PRUNE2: variants seen among roughly 807,000 people sequenced by gnomAD.
The protein encoded by PRUNE2 is prune homolog 2 with BCH domain, also known as protein prune homolog 2.
In PRUNE2, 164 loss-of-function variants were observed where a neutral mutation model predicts 252.0. The observed-to-expected ratio is 0.65, with a 90% CI of 0.57 to 0.74. The LOEUF (loss-of-function observed/expected upper bound fraction) is 0.74, where lower values mean the gene tolerates loss of function less well. Ranked by LOEUF, PRUNE2 falls within the 30% of genes least tolerant of loss-of-function variation. The probability of loss-of-function intolerance (pLI) is 0.00; values close to 1 mark genes in which losing one functional copy is unlikely to be tolerated. For synonymous variants in PRUNE2, 1,292 were observed against 1,350.2 expected, an observed-to-expected ratio of 0.96 and a Z score of 0.94; for missense variants, 3,495 against 3,711.0, an observed-to-expected ratio of 0.94 and a Z score of 1.51.
intron 1 of PRUNE2, among the ~76,000 whole-genome samples, chr9:76,869,463 TTC>T (rs530343931): frequency 6.6e-6 from 1 of 151,708 alleles, no homozygotes; most frequent in African/African-American, 2.4e-5. Context: ...CGTTCTCTCT[TTC>T]TCTCTCTCTC....
intron 6 of PRUNE2, among the ~76,000 whole-genome samples, chr9:76,774,831 C>T (rs116029976): frequency 6.6e-6 from 1 of 152,060 alleles, no homozygotes; most frequent in Admixed American, 6.6e-5. Context: ...AGCTTTAGCA[C>T]CTTTGAGTAG....
chr9:76,744,500 A>G (rs972680053), intron 6 of PRUNE2, among the ~76,000 whole-genome samples: 1 of 152,100 alleles, frequency 6.6e-6, no homozygotes, highest in Admixed American at 6.5e-5. Context: ...GCTGCCTCCT[A>G]CCATCCCTCT....
intron 11 of PRUNE2, among the ~76,000 whole-genome samples, chr9:76,649,640 A>AGATAGATAGATAGATG (rs1473699670): frequency 1.3e-5 from 2 of 151,174 alleles, no homozygotes; most frequent in Non-Finnish European, 3.0e-5. Flanking sequence ...ATAGATAGAT[A>AGATAGATAGATAGATG]GATAGAATAG....
At chr9:76,775,365 C>G (rs1396541832) in intron 6 of PRUNE2, among the ~76,000 whole-genome samples, 1 of 152,144 alleles carries the variant, frequency 6.6e-6, no homozygotes, top group Admixed American at 6.5e-5. Context: ...TGCACGATCA[C>G]AGTTCACTGC....
intron 9 of PRUNE2, among the ~76,000 whole-genome samples, chr9:76,685,668 G>C (rs1281490415): frequency 1.3e-5 from 2 of 152,208 alleles, no homozygotes; most frequent in Non-Finnish European, 1.5e-5. Context: ...TAAGGAGAGA[G>C]AGGCCTCAGA....
chr9:76,683,913 A>G (rs547112155), intron 9 of PRUNE2, among the ~76,000 whole-genome samples: 34 of 151,058 alleles, frequency 2.3e-4, no homozygotes, highest in African/African-American at 8.0e-4. Flanking sequence ...TTGTGTATAC[A>G]TAAAATATAT....
At chr9:76,714,891 CT>C (rs758340091) in intron 6 of PRUNE2, among the ~76,000 whole-genome samples, 1 of 152,214 alleles carries the variant, frequency 6.6e-6, no homozygotes, top group Non-Finnish European at 1.5e-5. Flanking sequence ...CATCCATAAT[CT>C]TCTATCATAG....
chr9:76,647,376 AG>A (rs1385159894), intron 11 of PRUNE2, among the ~76,000 whole-genome samples: 1 of 152,204 alleles, frequency 6.6e-6, no homozygotes, highest in African/African-American at 2.4e-5. Flanking sequence ...CCTTCACAAA[AG>A]TTAATTGAAA....
intron 6 of PRUNE2, among the ~76,000 whole-genome samples, chr9:76,736,247 T>G (rs1028745693): frequency 3.3e-5 from 5 of 151,970 alleles, no homozygotes; most frequent in African/African-American, 9.7e-5. Context: ...TTCAAGAGAC[T>G]CAATGTGGGT....
intron 6 of PRUNE2, among the ~76,000 whole-genome samples, chr9:76,790,561 A>T (rs2055452917): frequency 1.3e-5 from 2 of 152,116 alleles, no homozygotes; most frequent in Admixed American, 1.3e-4. Flanking sequence ...CCCACTTCCC[A>T]CCCTGACTCC....
intron 9 of PRUNE2, among the ~76,000 whole-genome samples, chr9:76,669,021 C>T (rs1192730293): frequency 6.6e-6 from 1 of 151,494 alleles, no homozygotes; most frequent in Admixed American, 6.6e-5. Flanking sequence ...AATCTCTTTT[C>T]CTCATAAAGA....
chr9:76,702,218 C>T (rs2045941300), intron 9 of PRUNE2, among the ~76,000 whole-genome samples: 1 of 151,978 alleles, frequency 6.6e-6, no homozygotes, highest in Admixed American at 6.6e-5. Flanking sequence ...GCCACCACCC[C>T]AGCTAAGTTT....
chr9:76,824,245 C>G (rs1488382495), intron 5 of PRUNE2, among the ~76,000 whole-genome samples: 1 of 152,072 alleles, frequency 6.6e-6, no homozygotes, highest in East Asian at 1.9e-4. Flanking sequence ...ACTTAGGGGT[C>G]CACCTCTGGA....
intron 9 of PRUNE2, among the ~76,000 whole-genome samples, chr9:76,701,397 T>G (rs1002603686): frequency 6.6e-6 from 1 of 152,182 alleles, no homozygotes; most frequent in Admixed American, 6.5e-5. Flanking sequence ...CAGAAAGGGA[T>G]GAGCAAAGAA....
intron 2 of PRUNE2, among the ~76,000 whole-genome samples, chr9:76,851,647 T>C (rs1354628930): frequency 1.3e-5 from 2 of 152,284 alleles, no homozygotes; most frequent in Non-Finnish European, 2.9e-5. Flanking sequence ...TTACAATTCA[T>C]TTTTAAAAAT....
intron 9 of PRUNE2, among the ~76,000 whole-genome samples, chr9:76,665,364 C>T (rs1210586751): frequency 1.3e-5 from 2 of 152,150 alleles, no homozygotes; most frequent in Non-Finnish European, 2.9e-5. Context: ...TGGGACCTCA[C>T]CTCCACCCCA....
intron 6 of PRUNE2, among the ~76,000 whole-genome samples, chr9:76,782,175 C>A (rs1182129732): frequency 2.0e-5 from 3 of 151,770 alleles, no homozygotes; most frequent in African/African-American, 7.3e-5. Flanking sequence ...GATGGTGCCA[C>A]TGCACTCCAG....
chr9:76,788,632 T>A (rs1385652364), intron 6 of PRUNE2: 1 of 619,888 alleles, frequency 1.6e-6, no homozygotes, highest in Non-Finnish European at 2.9e-6. Flanking sequence ...AACTTAAACA[T>A]TTGAAATTTG....
Position 76,710,803 on chromosome 9 carries a change from A to G in PRUNE2, c.1471T>C (p.Phe491Leu), listed in dbSNP as rs1287774518. Reference sequence around the variant, plus strand: ...GCTGGGTCAAAATTGAAGAGGTCGAAGTGCTCACCGTGTTCTCCAGACCAT... The same window carrying G: ...GCTGGGTCAAAATTGAAGAGGTCGAGGTGCTCACCGTGTTCTCCAGACCAT... The part of the protein sequence containing the change: ...HAWSGEHGEH[F>L]DLFNFDPAPM... Residue 491 changes from phenylalanine (F) to leucine (L), a missense_variant, in exon 8 of 19, where the codon TTC (phenylalanine) becomes CTC (leucine). Phe to Leu is a conservative substitution (Grantham distance 22). Coordinates refer to ENST00000376718, the MANE Select transcript of PRUNE2 (RefSeq NM_015225.3). The G allele has an allele frequency of 2.5e-6, 4 of 1,579,500 alleles. No homozygotes were observed. The Admixed American group carries it at 7.2e-5, about 28-fold the overall frequency.
Sources: gnomAD v4.1 joint callset for allele counts (sites outside exome capture counted in the v4.1 genomes callset) on GRCh38, gnomAD v4.1.1 for gene constraint, MANE v1.5 for transcripts, NCBI Gene and HGNC (gene_info 2026-07-23, HGNC 2026-07-21) for gene names.